The following DRP2 variants were observed in gnomAD, a reference collection of about 807,000 sequenced individuals.
The protein encoded by DRP2 is dystrophin-related protein 2.
In DRP2, 29 loss-of-function variants were observed where a neutral mutation model predicts 78.2. That is an observed-to-expected ratio of 0.37 (90% CI 0.28 to 0.51). The LOEUF (loss-of-function observed/expected upper bound fraction) is 0.51. Ranked by LOEUF, DRP2 falls within the 20% of genes least tolerant of loss-of-function variation. The pLI, the probability that DRP2 is intolerant of heterozygous loss-of-function variation, is 0.94. For missense variants in DRP2, 686 were observed against 770.6 expected, an observed-to-expected ratio of 0.89 and a Z score of 1.30; for synonymous variants, 290 against 281.9, an observed-to-expected ratio of 1.03 and a Z score of -0.29.
At chrX:101,229,954 T>TA (rs1055262616) in intron 2 of DRP2, among the ~76,000 whole-genome samples, 1 of 112,316 alleles carries the variant, frequency 8.9e-6, no homozygotes, top group African/African-American at 3.2e-5. Flanking sequence ...CCCTATTCCC[T>TA]ACACAGCAAA....
At chrX:101,256,307 C>T (rs1923335645) in intron 21 of DRP2, 46 bp downstream of exon 21, 9 of 1,109,629 alleles carry the variant, frequency 8.1e-6, no homozygotes, top group Non-Finnish European at 1.1e-5. Flanking sequence ...TTGAGGCAGA[C>T]AGATTGAATT....
chrX:101,242,696 A>G (rs1740497387), intron 8 of DRP2, among the ~76,000 whole-genome samples: 1 of 110,917 alleles, frequency 9.0e-6, no homozygotes, highest in Non-Finnish European at 1.9e-5. Context: ...GGGCAGGGGA[A>G]GAGTGACTGT....
intron 9 of DRP2, among the ~76,000 whole-genome samples, chrX:101,243,905 G>A (rs1922831920): frequency 9.0e-6 from 1 of 111,370 alleles, no homozygotes; most frequent in African/African-American, 3.3e-5. Flanking sequence ...ATGAAGAGAT[G>A]AACCGTGTGG....
rs2147351656 is a variant in DRP2 at position 101,255,217 on chromosome X, C to T, written c.2214C>T (p.Phe738=). 8.3e-7 allele frequency: 1 copy of T among 1,211,605 alleles called. No individual in the cohort carries two copies. The highest frequency in any genetic ancestry group is 1.8e-5 in the South Asian group (1 of 56,951). The change falls in exon 20 of 24, where the codon TTC becomes TTT. Residue 738 remains phenylalanine, a synonymous_variant. Coordinates refer to ENST00000395209, the MANE Select transcript of DRP2 (RefSeq NM_001939.3). ...AGATGGAAAGTCAAAATTGCTCCTT[C>T]TTTAATGACAGCTTGTCCCCAGATG... is the stretch of plus-strand genomic sequence containing the variant. The part of the protein sequence containing the change: ...LAEMESQNCS[F]FNDSLSPDDS...
chrX:101,235,344 A>G (rs190998064), intron 3 of DRP2, among the ~76,000 whole-genome samples: 2 of 112,337 alleles, frequency 1.8e-5, no homozygotes, highest in South Asian at 3.7e-4. Context: ...GACGTGGACC[A>G]CTGATAGTTC....
intron 11 of DRP2, 74 bp downstream of exon 11, chrX:101,245,523 T>C (rs1922902526): frequency 1.2e-6 from 1 of 842,428 alleles, no homozygotes; most frequent in Non-Finnish European, 1.7e-6. Context: ...CATCTACAGA[T>C]GAATGGATAA....
chrX:101,254,606 G>A, intron 18 of DRP2, 45 bp downstream of exon 18: 1 of 1,207,339 alleles, frequency 8.3e-7, no homozygotes. Context: ...GCCTCACTGA[G>A]CCCGATCGTA....
rs374175660 is a variant in DRP2 at position 101,254,886 on chromosome X, C to T, written c.2142C>T (p.His714=). Residue 714 remains histidine (H), a synonymous_variant, in exon 19 of 24, where the codon CAC becomes CAT. Coordinates refer to ENST00000395209, the MANE Select transcript of DRP2 (RefSeq NM_001939.3). The part of the protein sequence containing the change: ...ETPASSPMWP[H]ADTHSRIEHF... ...CGGCTTCTTCCCCGATGTGGCCACACGCCGACACACACTCCCGAATTGAGC... is the reference window on the plus strand; with the variant it reads ...CGGCTTCTTCCCCGATGTGGCCACATGCCGACACACACTCCCGAATTGAGC... 187 of 1,210,204 alleles carry T rather than the reference C, an allele frequency of 1.5e-4. No individual in the cohort carries two copies. The highest frequency in any genetic ancestry group is 1.9e-4 in the Non-Finnish European group (166 of 895,340).
chrX:101,222,821 A>G (rs1449764769), intron 1 of DRP2, among the ~76,000 whole-genome samples: 1 of 111,857 alleles, frequency 8.9e-6, no homozygotes, highest in Non-Finnish European at 1.9e-5. Flanking sequence ...TCTATTCTCC[A>G]TGATTAAAGT....
intron 17 of DRP2, 39 bp downstream of exon 17, chrX:101,252,755 T>C (rs754942459): frequency 9.3e-7 from 1 of 1,075,368 alleles, no homozygotes; most frequent in Admixed American, 2.3e-5. Flanking sequence ...GTTAGGCAGC[T>C]CTCAGGTACT....
chrX:101,244,794 G>C (rs1033073882), intron 9 of DRP2, among the ~76,000 whole-genome samples: 5 of 112,230 alleles, frequency 4.5e-5, no homozygotes, highest in African/African-American at 1.6e-4. Flanking sequence ...TTAGGATATC[G>C]GTGACAACCT....
chrX:101,239,197 C>A, intron 6 of DRP2, 96 bp downstream of exon 6: 8 of 1,042,862 alleles, frequency 7.7e-6, no homozygotes, highest in Non-Finnish European at 8.9e-6. Context: ...CATTTTCTTA[C>A]CTGTTATCTA....
intron 3 of DRP2, among the ~76,000 whole-genome samples, chrX:101,234,784 G>GT (rs755633594): frequency 2.7e-3 from 302 of 110,549 alleles, no homozygotes; most frequent in Admixed American, 5.1e-3. Flanking sequence ...GTGAGCTATG[G>GT]TTTTAATGGG....
intron 1 of DRP2, among the ~76,000 whole-genome samples, chrX:101,221,064 G>A (rs919403707): frequency 1.8e-5 from 2 of 111,788 alleles, no homozygotes; most frequent in African/African-American, 6.5e-5. Flanking sequence ...CCTCACAGGT[G>A]TTGGGTCTAA....
In DRP2 at chrX:101,248,532, G is replaced by C. The variant is rs1179518782; in HGVS notation, c.1473G>C (p.Met491Ile). 8.3e-7 allele frequency: 1 copy of C among 1,210,403 alleles called. No homozygotes were observed. Among genetic ancestry groups the C allele is most frequent in the East Asian group, 3.0e-5 (1 of 33,791 alleles). Residue 491 changes from methionine to isoleucine, a missense_variant, in exon 14 of 24, where the codon ATG (methionine) becomes ATC (isoleucine). Around this residue, in one of 2 missense-constraint regions of DRP2, gnomAD observed 423 missense variants for 531.5 expected, o/e 0.80. Coordinates refer to ENST00000395209, the MANE Select transcript of DRP2 (RefSeq NM_001939.3). The part of the protein sequence containing the change: ...NVFDSGRSGK[M>I]RALSFKTGIA... ...AACCTAGTGGTCGCAGCGGAAAGAT[G>C]CGGGCATTGTCTTTTAAGACTGGCA... is the stretch of plus-strand genomic sequence containing the variant.
rs143113683 is a variant in DRP2, at chrX:101,256,247, G to A, written c.2376G>A (p.Leu792=). The A allele has an allele frequency of 2.0e-3, 2,396 of 1,192,906 alleles. 5 individuals are homozygous for A. Among genetic ancestry groups the A allele is most frequent in the South Asian group, 0.015 (785 of 52,648 alleles). ...AGCTACAGAAGATCCTGGCCCACTT[G>A]GAAGATGAGAACCGGTGGGTGTGAT... The part of the protein sequence containing the change: ...KGELQKILAH[L]EDENRILQGE... Residue 792 remains leucine (L), a synonymous_variant, in exon 21 of 24, where the codon TTG becomes TTA. Coordinates refer to ENST00000395209, the MANE Select transcript of DRP2 (RefSeq NM_001939.3).
rs1167730116 is a variant in DRP2 at position 101,224,191 on chromosome X, G to GTTTTTTTTTTTTTTT, written c.-166-397_-166-383dup. ...AATAAATGTTTGCTGGGTTTTTTTTGTTTTTTTTTTTTTTTTTTTTTTTTT... is the reference window on the plus strand; with the variant it reads ...AATAAATGTTTGCTGGGTTTTTTTTGTTTTTTTTTTTTTTTTTTTTTTTTTTTTTTTTTTTTTTTT... On this transcript the variant is annotated intron_variant, in intron 1 of 23. Transcript: ENST00000395209. Among the ~76,000 whole-genome samples, 52 of 38,870 alleles carry GTTTTTTTTTTTTTTT rather than the reference G, an allele frequency of 1.3e-3. 4 individuals carry two copies. The highest frequency in any genetic ancestry group is 1.7e-3 in the Non-Finnish European group (43 of 24,847). The allele number at this position is 38,870 out of a possible 115,157, so 33.8% of individuals were successfully genotyped here. A position where few individuals can be genotyped will look rare whatever the true frequency, so the allele number is the denominator to read the frequency against.
rs1923299697 is a variant in DRP2, at chrX:101,255,323, A to G, written c.2246+74A>G. 5.7e-6 allele frequency: 6 copies of G among 1,057,799 alleles called. No individual in the cohort carries two copies. In the Admixed American group the frequency reaches 1.3e-4, roughly 23 times the overall value. The allele number at this position is 1,057,799 out of a possible 1,213,427, so 87.2% of individuals were successfully genotyped here. On this transcript the variant is annotated intron_variant, in intron 20 of 23. Transcript: ENST00000395209. ...CTTTGTGCCACTGTTTGGGAAGGGT[A>G]TATCCTCCAGGGAATGGGGGTGTGT...
intron 1 of DRP2, among the ~76,000 whole-genome samples, chrX:101,224,183 T>G (rs1278573217): frequency 1.6e-5 from 1 of 62,188 alleles, no homozygotes; most frequent in Non-Finnish European, 2.8e-5. Context: ...GTTTGCTGGG[T>G]TTTTTTTGTT....
Sources: gnomAD v4.1 joint callset for allele counts (sites outside exome capture counted in the v4.1 genomes callset) on GRCh38, gnomAD v4.1.1 for gene constraint, gnomAD v4.1.1 regional missense constraint, MANE v1.5 for transcripts, NCBI Gene and HGNC (gene_info 2026-07-23, HGNC 2026-07-21) for gene names.